USP35: variants seen among roughly 807,000 people sequenced by gnomAD.
The protein encoded by USP35 is ubiquitin specific peptidase 35, also known as ubiquitin carboxyl-terminal hydrolase 35.
A neutral mutation model predicts 83.8 loss-of-function variants in USP35; 69 were observed. The ratio of observed to expected loss-of-function variants is 0.82; its 90% CI spans 0.68 to 1.01. USP35 has a LOEUF of 1.01. Ranked by LOEUF, USP35 falls within the 50% of genes least tolerant of loss-of-function variation. USP35 has a pLI of 0.00. For missense variants in USP35, 1,503 were observed against 1,362.5 expected, an observed-to-expected ratio of 1.10 and a Z score of -1.62; for synonymous variants, 714 against 589.5, an observed-to-expected ratio of 1.21 and a Z score of -3.06.
chr11:78,210,818 G>A (rs1863742817), intron 10 of USP35, 74 bp downstream of exon 10: 1 of 1,424,936 alleles, frequency 7.0e-7, no homozygotes, highest in Admixed American at 2.5e-5. Context: ...GCTTAGATAA[G>A]TCATTTCCCC....
downstream of USP35, chr11:78,219,179 G>T: frequency 9.2e-6 from 11 of 1,190,450 alleles, no homozygotes; most frequent in Non-Finnish European, 1.3e-5. Context: ...TAGAGAGGAG[G>T]TGGATGGGAG....
chr11:78,199,503 A>T, intron 3 of USP35, 92 bp from the exon 4 acceptor site: 1 of 1,566,156 alleles, frequency 6.4e-7, no homozygotes, highest in Non-Finnish European at 8.7e-7. Context: ...TCAATGTGGG[A>T]ACCCAGGACA....
chr11:78,208,260 A>G (rs988255733), intron 8 of USP35, among the ~76,000 whole-genome samples: 2 of 152,240 alleles, frequency 1.3e-5, no homozygotes, highest in African/African-American at 4.8e-5. Flanking sequence ...TTTCCAACAC[A>G]TGCTTTTTGG....
At chr11:78,236,663 A>G in the USP35 span, among the ~76,000 whole-genome samples, 4 of 152,180 alleles carry the variant, frequency 2.6e-5, no homozygotes, top group Non-Finnish European at 5.9e-5. Flanking sequence ...GCTAAGAAAT[A>G]CTTTTTTTTC....
At chr11:78,231,317 T>C in the USP35 span, among the ~76,000 whole-genome samples, 1 of 143,716 alleles carries the variant, frequency 7.0e-6, no homozygotes, top group Admixed American at 6.7e-5. Flanking sequence ...TCTCCCTTGG[T>C]GCGCGCGCGC....
At chr11:78,211,376 C>T (rs1376970343) in intron 10 of USP35, among the ~76,000 whole-genome samples, 4 of 152,086 alleles carry the variant, frequency 2.6e-5, no homozygotes, top group Non-Finnish European at 4.4e-5. Flanking sequence ...GGGTTGATTC[C>T]ATGTCTTTGC....
intron 10 of USP35, among the ~76,000 whole-genome samples, chr11:78,212,534 A>G (rs950683047): frequency 5.3e-5 from 8 of 150,622 alleles, no homozygotes; most frequent in African/African-American, 7.3e-5. Flanking sequence ...CAGTATGGCC[A>G]TTTTCATGCT....
At chr11:78,211,217 T>C (rs559643397) in intron 10 of USP35, among the ~76,000 whole-genome samples, 1 of 152,186 alleles carries the variant, frequency 6.6e-6, no homozygotes, top group African/African-American at 2.4e-5. Flanking sequence ...GGTTTTCTGT[T>C]CCTGCGTTAA....
intron 1 of USP35, among the ~76,000 whole-genome samples, chr11:78,193,995 G>A (rs781150725): frequency 3.4e-4 from 52 of 152,334 alleles, no homozygotes; most frequent in East Asian, 7.7e-4. Context: ...GCCTCCCAAA[G>A]TGTTGGGACT....
intron 1 of USP35, among the ~76,000 whole-genome samples, chr11:78,190,950 G>A (rs1353155119): frequency 6.6e-6 from 1 of 152,232 alleles, no homozygotes; most frequent in Non-Finnish European, 1.5e-5. Context: ...GAAAGGGCTT[G>A]CATGTCCGGC....
chr11:78,190,419 T>C (rs1862969774), intron 1 of USP35, among the ~76,000 whole-genome samples: 1 of 151,664 alleles, frequency 6.6e-6, no homozygotes, highest in African/African-American at 2.4e-5. Flanking sequence ...AAGGAGGGGG[T>C]GGTGACTGGA....
chr11:78,225,114 A>G, the USP35 span: 13 of 1,610,094 alleles, frequency 8.1e-6, no homozygotes, highest in Non-Finnish European at 1.1e-5. Flanking sequence ...TCACCAGGAA[A>G]GAGCCAACTC....
chr11:78,206,199 T>C (rs1375907394), intron 7 of USP35, among the ~76,000 whole-genome samples, 164 bp downstream of exon 7: 1 of 152,164 alleles, frequency 6.6e-6, no homozygotes. Context: ...CCTCAGGCCA[T>C]TGCCAAGGCA....
chr11:78,211,298 G>A (rs746586131), intron 10 of USP35, among the ~76,000 whole-genome samples: 1 of 152,096 alleles, frequency 6.6e-6, no homozygotes, highest in Non-Finnish European at 1.5e-5. Flanking sequence ...CCTTTTTATG[G>A]ATGCATAGTA....
chr11:78,222,312 C>A, the USP35 span: 1 of 695,254 alleles, frequency 1.4e-6, no homozygotes, highest in Non-Finnish European at 2.6e-6. Flanking sequence ...TCCAGTTTCA[C>A]ACAGGGAAAC....
In USP35 at chr11:78,209,870, GT is replaced by G. The variant is rs1481607714; in HGVS notation, c.2016del (p.Gln673ArgfsTer5). On this transcript the variant is annotated frameshift_variant, in exon 10 of 11. Coordinates refer to ENST00000529308, the MANE Select transcript of USP35 (RefSeq NM_020798.4). LOFTEE classifies it high-confidence loss of function. ...LDSKEAGGQSSQEERIEREEE... is the reference protein window; with the variant it reads ...LDSKEAGGQSXQEERIEREEE... Reference sequence around the variant, plus strand: ...TCCAAGGAAGCTGGTGGGCAGAGCAGTCAGGAGGAAAGGATAGAGAGGGAGG... The same window carrying G: ...TCCAAGGAAGCTGGTGGGCAGAGCAGCAGGAGGAAAGGATAGAGAGGGAGG... 8 of 1,610,008 alleles carry G rather than the reference GT, an allele frequency of 5.0e-6. No individual in the cohort carries two copies. In the South Asian group the frequency reaches 8.8e-5, roughly 18 times the overall value.
chr11:78,210,575 G>T lies in USP35; in HGVS notation c.2720G>T (p.Ser907Ile). Residue 907 changes from serine to isoleucine, a missense_variant, in exon 10 of 11, where the codon AGC (serine) becomes ATC (isoleucine). Coordinates refer to ENST00000529308, the MANE Select transcript of USP35 (RefSeq NM_020798.4). ...RVSFSSFESVSNVTSFFPKDT... is the reference protein window; with the variant it reads ...RVSFSSFESVINVTSFFPKDT... ...TCCTTCTCTTCCTTCGAATCTGTCA[G>T]CAACGTCACCTCCTTCTTCCCTAAG... 6.2e-7 allele frequency: 1 copy of T among 1,613,692 alleles called. No homozygotes were observed. The highest frequency in any genetic ancestry group is 8.5e-7 in the Non-Finnish European group (1 of 1,179,610).
chr11:78,210,325 C>T lies in USP35; in HGVS notation c.2470C>T (p.Leu824=). Residue 824 remains leucine, a synonymous_variant, in exon 10 of 11, where the codon CTG becomes TTG. Coordinates refer to ENST00000529308, the MANE Select transcript of USP35 (RefSeq NM_020798.4). ...GCGCACCATGCGGCGCCGCAAGATC[C>T]TGGATGACGTCTCCATCCCCCTGCT... The part of the protein sequence containing the change: ...DLRTMRRRKI[L]DDVSIPLLLR... The T allele has an allele frequency of 6.2e-7, 1 of 1,613,214 alleles. No individual in the cohort carries two copies. The highest frequency in any genetic ancestry group is 1.1e-5 in the South Asian group (1 of 91,086).
chr11:78,198,399 G>A (rs1863222460), intron 3 of USP35, among the ~76,000 whole-genome samples: 1 of 152,214 alleles, frequency 6.6e-6, no homozygotes, highest in Admixed American at 6.5e-5. Flanking sequence ...TTGGGTAAGA[G>A]GGTGAGAGTG....
Sources: gnomAD v4.1 joint callset for allele counts (sites outside exome capture counted in the v4.1 genomes callset) on GRCh38, gnomAD v4.1.1 for gene constraint, MANE v1.5 for transcripts, NCBI Gene and HGNC (gene_info 2026-07-23, HGNC 2026-07-21) for gene names.